The following MTUS2 variants were observed in gnomAD, a reference collection of about 807,000 sequenced individuals.
MTUS2 encodes microtubule-associated tumor suppressor candidate 2.
MTUS2 carries 40 observed loss-of-function variants against 114.1 expected under a neutral mutation model. The observed-to-expected ratio is 0.35, with a 90% CI of 0.27 to 0.46. The LOEUF (loss-of-function observed/expected upper bound fraction) is 0.46, where lower values mean the gene tolerates loss of function less well. Among genes scored for constraint, MTUS2 ranks in the 20% least tolerant of loss-of-function variants. The pLI is 1.00. For synonymous variants in MTUS2, 688 were observed against 672.0 expected (o/e 1.02, Z -0.37); for missense variants, 1,679 against 1,705.4 (o/e 0.98, Z 0.27).
At chr13:29,176,115 T>A (rs1277006013) in intron 5 of MTUS2, among the ~76,000 whole-genome samples, 1 of 152,208 alleles carries the variant, frequency 6.6e-6, no homozygotes, top group African/African-American at 2.4e-5. Flanking sequence ...TAGCTCAGTT[T>A]CTGCAGGGTT....
At position 28,881,610 on chromosome 13, in the gene MTUS2, C is replaced by T. The variant is rs541838087; in HGVS notation, c.-243+41760C>T. On this transcript the variant is annotated intron_variant, in intron 2 of 15. Coordinates refer to ENST00000612955, the MANE Select transcript of MTUS2 (RefSeq NM_001033602.4). Reference sequence around the variant, plus strand: ...TTCCTGCCAACAGTGTATGAGCATTCCCTTTTCTCTGCATCCTTCAATATC... The same window carrying T: ...TTCCTGCCAACAGTGTATGAGCATTTCCTTTTCTCTGCATCCTTCAATATC... Among the ~76,000 whole-genome samples, 3 of 152,260 alleles carry T rather than the reference C, an allele frequency of 2.0e-5. No homozygotes were observed. In the South Asian group the frequency reaches 6.2e-4, roughly 32 times the overall value.
chr13:29,225,273 T>A (rs1896062209), intron 5 of MTUS2, among the ~76,000 whole-genome samples: 1 of 152,238 alleles, frequency 6.6e-6, no homozygotes, highest in South Asian at 2.1e-4. Flanking sequence ...TGGTTTCTTC[T>A]ATTTATATTT....
chr13:29,175,360 GTCTGTCCCTTCATAA>G (rs1893727871), intron 5 of MTUS2, among the ~76,000 whole-genome samples: 1 of 152,294 alleles, frequency 6.6e-6, no homozygotes. Flanking sequence ...GAGATTTGCT[GTCTGTCCCTTCATAA>G]TCACAGTCAT....
At chr13:29,442,444 A>G (rs1248335610) in intron 9 of MTUS2, among the ~76,000 whole-genome samples, 1 of 152,202 alleles carries the variant, frequency 6.6e-6, no homozygotes, top group Non-Finnish European at 1.5e-5. Flanking sequence ...GCCCCACACA[A>G]CGTCTCAGAC....
chr13:28,954,920 G>A (rs1447320010), intron 2 of MTUS2, among the ~76,000 whole-genome samples: 1 of 152,138 alleles, frequency 6.6e-6, no homozygotes, highest in East Asian at 1.9e-4. Flanking sequence ...TTTGGCCTGT[G>A]CTCTGTTGAC....
intron 2 of MTUS2, among the ~76,000 whole-genome samples, chr13:28,906,715 A>G (rs1170535870): frequency 6.6e-6 from 1 of 151,532 alleles, no homozygotes; most frequent in African/African-American, 2.4e-5. Flanking sequence ...GTGGTGCTGA[A>G]AAAAATGTAT....
chr13:29,172,282 TC>T (rs1893597305), intron 5 of MTUS2, among the ~76,000 whole-genome samples: 1 of 152,090 alleles, frequency 6.6e-6, no homozygotes, highest in Non-Finnish European at 1.5e-5. Context: ...CAAGATAACT[TC>T]CCCCTCAAAC....
intron 1 of MTUS2, among the ~76,000 whole-genome samples, chr13:28,830,418 C>T (rs1458612646): frequency 6.6e-6 from 1 of 151,756 alleles, no homozygotes; most frequent in African/African-American, 2.4e-5. Flanking sequence ...AAAATGATGT[C>T]TCTTCAAATA....
intron 8 of MTUS2, among the ~76,000 whole-genome samples, chr13:29,369,089 G>A (rs1401921366): frequency 6.6e-6 from 1 of 151,768 alleles, no homozygotes; most frequent in Non-Finnish European, 1.5e-5. Flanking sequence ...CAGAAGAAAA[G>A]GTTACAGATA....
intron 2 of MTUS2, among the ~76,000 whole-genome samples, chr13:28,891,667 C>T (rs1377891565): frequency 6.6e-6 from 1 of 151,816 alleles, no homozygotes; most frequent in African/African-American, 2.4e-5. Context: ...ATCTTGAGAT[C>T]AGGAGGTGGA....
chr13:29,126,310 C>G (rs149096716), intron 5 of MTUS2, among the ~76,000 whole-genome samples: 2 of 152,308 alleles, frequency 1.3e-5, no homozygotes, highest in Non-Finnish European at 2.9e-5. Context: ...TTGTCAGCCT[C>G]TGAAATCTTT....
intron 2 of MTUS2, among the ~76,000 whole-genome samples, chr13:28,892,728 T>C (rs1202373302): frequency 6.6e-6 from 1 of 152,184 alleles, no homozygotes; most frequent in Non-Finnish European, 1.5e-5. Context: ...TGTAAGAATC[T>C]ACTATGTAAA....
intron 2 of MTUS2, among the ~76,000 whole-genome samples, chr13:29,009,913 G>A (rs531949823): frequency 6.6e-6 from 1 of 152,060 alleles, no homozygotes; most frequent in South Asian, 2.1e-4. Context: ...AGAGTGTGGA[G>A]GATAAAAAGC....
intron 3 of MTUS2, among the ~76,000 whole-genome samples, chr13:29,028,340 A>G (rs917433349): frequency 1.0e-4 from 12 of 119,392 alleles, no homozygotes; most frequent in African/African-American, 4.5e-4. Flanking sequence ...ACAGAGCGCG[A>G]CTCAGTCTCA....
chr13:29,286,849 C>T (rs911029410), intron 6 of MTUS2, among the ~76,000 whole-genome samples: 12 of 152,130 alleles, frequency 7.9e-5, no homozygotes, highest in African/African-American at 1.9e-4. Flanking sequence ...TACCACCACA[C>T]CGGGCTAATT....
intron 11 of MTUS2, among the ~76,000 whole-genome samples, chr13:29,491,466 T>C (rs1882075297): frequency 7.2e-6 from 1 of 139,554 alleles, no homozygotes; most frequent in Non-Finnish European, 1.5e-5. Flanking sequence ...TGTAGGTTTG[T>C]ATGGTATGTA....
chr13:29,430,081 G>A (rs1044679705), intron 8 of MTUS2, among the ~76,000 whole-genome samples: 46 of 152,156 alleles, frequency 3.0e-4, no homozygotes, highest in African/African-American at 1.0e-3. Context: ...AAGCATTTGC[G>A]CTCAATTGTC....
chr13:29,456,808 A>G (rs1057428340), intron 9 of MTUS2, among the ~76,000 whole-genome samples: 1 of 152,198 alleles, frequency 6.6e-6, no homozygotes, highest in African/African-American at 2.4e-5. Context: ...TATAGGAAAT[A>G]ATTAAGATGG....
chr13:28,983,550 CACTT>C (rs1884451099), intron 2 of MTUS2, among the ~76,000 whole-genome samples: 1 of 152,174 alleles, frequency 6.6e-6, no homozygotes, highest in Non-Finnish European at 1.5e-5. Context: ...AAATTAATCT[CACTT>C]GTTTGATTTG....
Sources: allele counts gnomAD v4.1 joint callset (sites outside exome capture counted in the v4.1 genomes callset), GRCh38; gene constraint gnomAD v4.1.1; transcripts MANE v1.5; gene names NCBI Gene and HGNC (gene_info 2026-07-23, HGNC 2026-07-21).